Variants in SLC39A14 observed in about 807,000 individuals in gnomAD.
SLC39A14 encodes metal cation symporter ZIP14.
Under a neutral mutation model 45.5 loss-of-function variants are expected in SLC39A14, and 19 were observed. That is an observed-to-expected ratio of 0.42 (90% CI 0.29 to 0.61). SLC39A14 has a LOEUF of 0.61. Among genes scored for constraint, SLC39A14 ranks in the 20% least tolerant of loss-of-function variants. SLC39A14 has a pLI of 0.22. For synonymous variants in SLC39A14, 264 were observed against 251.3 expected (o/e 1.05, Z -0.48); for missense variants, 447 against 616.5 (o/e 0.73, Z 2.91).
chr8:22,405,022 C>G lies in SLC39A14; in HGVS notation c.270+42C>G, dbSNP rs376783841. The G allele has an allele frequency of 2.8e-5, 45 of 1,583,340 alleles. 1 individual carries two copies. The African/African-American group carries it at 5.8e-4, about 20-fold the overall frequency. ...AGCCAGCAGCTCTGCTCAGCCCCGT[C>G]TCTGGCCTCTCAGGGTTCCCTGTCT... On this transcript the variant is annotated intron_variant, in intron 2 of 8. Coordinates refer to ENST00000381237, the MANE Select transcript of SLC39A14 (RefSeq NM_001128431.4).
At chr8:22,427,080 G>C (rs1181597275), downstream of SLC39A14, among the ~76,000 whole-genome samples, 1 of 151,828 alleles carries the variant, frequency 6.6e-6, no homozygotes, top group African/African-American at 2.4e-5. Context: ...ATCACCTGAG[G>C]TCGGGAGTTT....
chr8:22,426,889 T>C (rs1836396056), downstream of SLC39A14, among the ~76,000 whole-genome samples: 1 of 150,346 alleles, frequency 6.7e-6, no homozygotes, highest in Non-Finnish European at 1.5e-5. Flanking sequence ...TTCGCCATAT[T>C]GGCCAGGCTG....
chr8:22,408,635 G>T, intron 3 of SLC39A14, 139 bp downstream of exon 3: 1 of 775,828 alleles, frequency 1.3e-6, no homozygotes, highest in Non-Finnish European at 2.0e-6. Flanking sequence ...GTCAGGAGCG[G>T]GAGCGATGAT....
chr8:22,371,747 CTTT>C (rs1257184691), intron 1 of SLC39A14, among the ~76,000 whole-genome samples: 2 of 113,220 alleles, frequency 1.8e-5, no homozygotes. Context: ...TATCTTTTAT[CTTT>C]TTTTTTTTTT....
chr8:22,382,320 T>C (rs1487603061), intron 1 of SLC39A14, among the ~76,000 whole-genome samples: 1 of 152,164 alleles, frequency 6.6e-6, no homozygotes, highest in Non-Finnish European at 1.5e-5. Context: ...TAATACTCAG[T>C]ATTGGTGAGA....
chr8:22,415,609 A>G (rs1835826116), intron 5 of SLC39A14, 160 bp from the exon 6 acceptor site: 1 of 650,330 alleles, frequency 1.5e-6, no homozygotes, highest in Admixed American at 3.3e-5. Flanking sequence ...GCTTTATATA[A>G]TAGCTTTTGC....
At chr8:22,427,149 G>A (rs147185900), downstream of SLC39A14, among the ~76,000 whole-genome samples, 2,584 of 151,992 alleles carry the variant, frequency 0.017, 36 homozygotes, top group South Asian at 0.051. Context: ...AAAATTAGCC[G>A]GGTGTGGTGG....
At chr8:22,387,037 G>C (rs910721990) in intron 1 of SLC39A14, among the ~76,000 whole-genome samples, 15 of 152,132 alleles carry the variant, frequency 9.9e-5, no homozygotes, top group African/African-American at 3.6e-4. Flanking sequence ...GCCAGGCATG[G>C]TGGTGTGAAC....
chr8:22,414,976 G>A lies in SLC39A14; in HGVS notation c.750+74G>A, dbSNP rs1586741633. 31 of 1,525,910 alleles carry A rather than the reference G, an allele frequency of 2.0e-5. 2 individuals carry two copies. In the Admixed American group the frequency reaches 3.2e-4, roughly 16 times the overall value. The allele number at this position is 1,525,910 out of a possible 1,614,324, so 94.5% of individuals were successfully genotyped here. A position where few individuals can be genotyped will look rare whatever the true frequency, so the allele number is the denominator to read the frequency against. ...TCTCAAACAATGTTGATGTATTGTG[G>A]TGGTGGTGGTGATGGTCTTAGCCCA... On this transcript the variant is annotated intron_variant, in intron 5 of 8. Coordinates refer to ENST00000381237, the MANE Select transcript of SLC39A14 (RefSeq NM_001128431.4).
chr8:22,374,240 G>T (rs537154223), intron 1 of SLC39A14, among the ~76,000 whole-genome samples: 3 of 152,330 alleles, frequency 2.0e-5, no homozygotes, highest in Non-Finnish European at 4.4e-5. Flanking sequence ...TGCAGGGAGG[G>T]ACTGGAGACC....
At chr8:22,369,802 C>G (rs1832833143) in intron 1 of SLC39A14, among the ~76,000 whole-genome samples, 2 of 152,108 alleles carry the variant, frequency 1.3e-5, no homozygotes, top group Non-Finnish European at 2.9e-5. Flanking sequence ...TGTCATCATT[C>G]TCATCGTCAT....
At chr8:22,396,660 T>C (rs572394965) in intron 1 of SLC39A14, among the ~76,000 whole-genome samples, 1 of 150,304 alleles carries the variant, frequency 6.7e-6, no homozygotes, top group East Asian at 2.0e-4. Context: ...CCGGGAGCCC[T>C]TATTTCCTTC....
At chr8:22,428,467 G>A in intron 8 of SLC39A14, among the ~76,000 whole-genome samples, 1 of 109,270 alleles carries the variant, frequency 9.2e-6, no homozygotes, top group Admixed American at 1.3e-4. Context: ...TTTTGAGACT[G>A]AGTCTCACTC....
intron 1 of SLC39A14, among the ~76,000 whole-genome samples, chr8:22,379,134 C>A (rs1833364360): frequency 6.6e-6 from 1 of 152,140 alleles, no homozygotes; most frequent in African/African-American, 2.4e-5. Context: ...CGTGGCCTTC[C>A]CCTGTTGGTG....
At chr8:22,413,385 C>T (rs927921531) in intron 4 of SLC39A14, among the ~76,000 whole-genome samples, 1 of 152,194 alleles carries the variant, frequency 6.6e-6, no homozygotes, top group Non-Finnish European at 1.5e-5. Context: ...ATCCCTGAGT[C>T]GAGAACCCAG....
At position 22,408,384 on chromosome 8, in the gene SLC39A14, G is replaced by A; in HGVS notation, c.345G>A (p.Gln115=). 1 of 1,614,208 alleles carries A rather than the reference G, an allele frequency of 6.2e-7. No individual in the cohort carries two copies. Among genetic ancestry groups the A allele is most frequent in the South Asian group, 1.1e-5 (1 of 91,082 alleles). The change falls in exon 3 of 9, where the codon CAG becomes CAA. Residue 115 remains glutamine, a synonymous_variant. Transcript: ENST00000381237. ...EQSRIGSSEL[Q]EFCPTILQQL... ...CGCGGATTGGGAGCAGCGAGCTCCAGGAGTTCTGCCCCACCATCCTCCAGC... is the reference window on the plus strand; with the variant it reads ...CGCGGATTGGGAGCAGCGAGCTCCAAGAGTTCTGCCCCACCATCCTCCAGC...
chr8:22,392,706 C>G (rs936706823), intron 1 of SLC39A14: 3 of 152,408 alleles, frequency 2.0e-5, no homozygotes, highest in Admixed American at 2.0e-4. Flanking sequence ...CCCTGCCCAC[C>G]TGACTCAGTT....
chr8:22,409,386 TG>T (rs67723903), intron 3 of SLC39A14, among the ~76,000 whole-genome samples: 34,527 of 151,226 alleles, frequency 0.23, 4,636 homozygotes, highest in East Asian at 0.5. Context: ...TTGTTTTTTT[TG>T]TTTGTTTGTT....
intron 1 of SLC39A14, chr8:22,398,699 A>G (rs1163928910): frequency 7.1e-6 from 7 of 985,190 alleles, no homozygotes; most frequent in Non-Finnish European, 8.4e-6. Context: ...AGGTGGGCTT[A>G]GAAAAAAGTG....
Sources: allele counts gnomAD v4.1 joint callset (sites outside exome capture counted in the v4.1 genomes callset), GRCh38; gene constraint gnomAD v4.1.1; transcripts MANE v1.5; gene names NCBI Gene and HGNC (gene_info 2026-07-23, HGNC 2026-07-21).